AP1M2: variants seen among roughly 807,000 people sequenced by gnomAD.
AP1M2 encodes adaptor related protein complex 1 subunit mu 2, also known as AP-1 complex subunit mu-2.
AP1M2 carries 41 observed loss-of-function variants against 54.6 expected under a neutral mutation model. The observed-to-expected ratio is 0.75, with a 90% confidence interval of 0.59 to 0.97. The LOEUF is 0.97. AP1M2 is among the 50% of genes least tolerant of loss of function. The pLI is 0.00. For synonymous variants in AP1M2, 219 were observed against 215.9 expected (o/e 1.01, Z -0.13); for missense variants, 507 against 561.2 (o/e 0.90, Z 0.98).
chr19:10,575,030 C>A lies in AP1M2; in HGVS notation c.1048-1G>T. 1 of 1,503,348 alleles carries A rather than the reference C, an allele frequency of 6.7e-7. No individual in the cohort carries two copies. The highest frequency in any genetic ancestry group is 8.9e-7 in the Non-Finnish European group (1 of 1,123,290). 93.1% of individuals were successfully genotyped at this position (1,503,348 alleles called of 1,614,324 possible). On this transcript the variant is annotated splice_acceptor_variant, in intron 9 of 11. Transcript: ENST00000250244. LOFTEE classifies it high-confidence loss of function. ...CTCGCATCAAGTACTCCTTGCCCCC[C>A]TGAGGGAACATGGGGGCATCAGGTA...
At position 10,577,253 on chromosome 19, in the gene AP1M2, C is replaced by G. The variant is rs756095587; in HGVS notation, c.992G>C (p.Ser331Thr). The change falls in exon 9 of 12, where the codon AGC becomes ACC. Residue 331 changes from serine (S) to threonine (T), a missense_variant. Transcript: ENST00000250244. The part of the protein sequence containing the change: ...DSPRFKTSVG[S>T]AKYVPERNVV... ...GTTTCTCTCCGGCACATACTTGGCG[C>G]TGCCCACACTGGTCTTGAATCTGGG... The G allele has an allele frequency of 1.9e-6, 3 of 1,613,384 alleles. No homozygotes were observed. The highest frequency in any genetic ancestry group is 3.3e-5 in the Admixed American group (2 of 59,918).
rs1917456665 is a variant in AP1M2, at chr19:10,581,493, G to T, written c.540C>A (p.Asn180Lys). ...GGGAGGTGTGCAGGCTCACCAGCAGGTTGACAGACTCTATGACATCAATGA... is the reference window on the plus strand; with the variant it reads ...GGGAGGTGTGCAGGCTCACCAGCAGTTTGACAGACTCTATGACATCAATGA... ...EVFIDVIESV[N>K]LLVNANGSVL... is the part of the protein sequence containing the mutation. The change falls in exon 5 of 12, where the codon AAC becomes AAA. Residue 180 changes from asparagine (N) to lysine (K), a missense_variant. Asn to Lys is a moderately conservative substitution (Grantham distance 94, BLOSUM62 0). Transcript: ENST00000250244. 1 of 1,613,924 alleles carries T rather than the reference G, an allele frequency of 6.2e-7. No homozygotes were observed. Among genetic ancestry groups the T allele is most frequent in the Non-Finnish European group, 8.5e-7 (1 of 1,179,830 alleles).
chr19:10,575,597 G>A (rs1419811077), intron 9 of AP1M2, among the ~76,000 whole-genome samples: 1 of 152,006 alleles, frequency 6.6e-6, no homozygotes, highest in East Asian at 1.9e-4. Context: ...TGAACCCAGG[G>A]CTGGTTTCCT....
intron 3 of AP1M2, among the ~76,000 whole-genome samples, chr19:10,583,088 A>C (rs2360746): frequency 0.26 from 38,548 of 151,012 alleles, 5,888 homozygotes; most frequent in East Asian, 0.66. Flanking sequence ...AGCCTCCCAA[A>C]GTACTGGGAT....
At chr19:10,573,643 G>A (rs942924771) in intron 11 of AP1M2, among the ~76,000 whole-genome samples, 1 of 147,034 alleles carries the variant, frequency 6.8e-6, no homozygotes, top group African/African-American at 2.5e-5. Flanking sequence ...GCTGACAACT[G>A]TCCCTGCTTT....
chr19:10,579,293 AT>A, intron 7 of AP1M2, among the ~76,000 whole-genome samples: 1 of 152,010 alleles, frequency 6.6e-6, no homozygotes, highest in Non-Finnish European at 1.5e-5. Flanking sequence ...GCATGCGCCT[AT>A]AGTCCCAGCT....
chr19:10,581,937 C>G, intron 3 of AP1M2, 59 bp from the exon 4 acceptor site: 1 of 1,501,500 alleles, frequency 6.7e-7, no homozygotes, highest in Non-Finnish European at 8.9e-7. Context: ...GGCATAGTAG[C>G]TCATGCCTGT....
chr19:10,572,976 A>G lies in AP1M2; in HGVS notation c.*90T>C. 7.2e-7 allele frequency: 1 copy of G among 1,393,806 alleles called. No individual in the cohort carries two copies. The allele number at this position is 1,393,806 out of a possible 1,614,324, so 86.3% of individuals were successfully genotyped here. A position where few individuals can be genotyped will look rare whatever the true frequency, so the allele number is the denominator to read the frequency against. ...AAGTCCAGGACCTGCCCTCACACAG[A>G]CACACACAGCCCGCACCTGCCCTCC... On this transcript the variant is annotated 3_prime_UTR_variant, in exon 12 of 12. Transcript: ENST00000250244.
At chr19:10,583,705 T>A in intron 2 of AP1M2, 32 bp from the exon 3 acceptor site, 2 of 1,601,828 alleles carry the variant, frequency 1.2e-6, no homozygotes, top group Non-Finnish European at 1.7e-6. Context: ...AAAGGTGCCA[T>A]TTATGGAGAA....
intron 7 of AP1M2, among the ~76,000 whole-genome samples, chr19:10,579,288 C>A (rs905344001): frequency 1.3e-5 from 2 of 151,936 alleles, no homozygotes; most frequent in African/African-American, 4.8e-5. Context: ...CGGTGGCATG[C>A]GCCTATAGTC....
In AP1M2 at chr19:10,583,602, CTACCTCTATTGTCTTATACAGGAAGGA is replaced by C; in HGVS notation, c.244_267+3del. The C allele has an allele frequency of 1.9e-6, 3 of 1,604,630 alleles. No individual in the cohort carries two copies. The highest frequency in any genetic ancestry group is 2.6e-6 in the Non-Finnish European group (3 of 1,172,556). ...CAGTTAGCCAATGGGAGGCTAGTAC[CTACCTCTATTGTCTTATACAGGAAGGA>C]GTACACCAGGGAGGCATTGGCATTC... On this transcript the variant is annotated splice_donor_variant and splice_donor_region_variant and coding_sequence_variant and intron_variant, in exon 3 of 12. Transcript: ENST00000250244. LOFTEE classifies it high-confidence loss of function.
chr19:10,574,297 C>T, intron 11 of AP1M2, 120 bp downstream of exon 11: 2 of 833,804 alleles, frequency 2.4e-6, no homozygotes, highest in Non-Finnish European at 1.8e-6. Context: ...TAGGATTACA[C>T]ACCTGAACCA....
chr19:10,583,564 T>C, intron 3 of AP1M2, 42 bp downstream of exon 3: 9 of 1,469,320 alleles, frequency 6.1e-6, no homozygotes, highest in Non-Finnish European at 8.5e-6. Flanking sequence ...GCAAGAGGGA[T>C]AGACGGATAG....
intron 10 of AP1M2, 80 bp from the exon 11 acceptor site, chr19:10,574,572 C>T (rs1917163447): frequency 7.9e-7 from 1 of 1,268,354 alleles, no homozygotes; most frequent in African/African-American, 1.5e-5. Context: ...CGGCTTAGGC[C>T]AAGCGGCTAT....
At position 10,581,600 on chromosome 19, in the gene AP1M2, C is replaced by G. The variant is rs748612320; in HGVS notation, c.433G>C (p.Gly145Arg). Residue 145 changes from glycine (G) to arginine (R), a missense_variant, in exon 5 of 12, where the codon GGC (glycine) becomes CGC (arginine). Physicochemically the swap from Gly to Arg is moderately radical, Grantham distance 125. Transcript: ENST00000250244. ...ITQQSNKLET[G>R]KSRVPPTVTN... ...ACAGTGGGTGGCACCCGTGACTTGCCCGTCTCCAGCTTGTTGCTCTGCTGA... is the reference window on the plus strand; with the variant it reads ...ACAGTGGGTGGCACCCGTGACTTGCGCGTCTCCAGCTTGTTGCTCTGCTGA... The G allele has an allele frequency of 6.2e-7, 1 of 1,613,818 alleles. No individual in the cohort carries two copies. The highest frequency in any genetic ancestry group is 8.5e-7 in the Non-Finnish European group (1 of 1,179,852).
intron 1 of AP1M2, among the ~76,000 whole-genome samples, chr19:10,585,268 G>T (rs1917596631): frequency 9.6e-6 from 1 of 104,540 alleles, no homozygotes; most frequent in African/African-American, 3.5e-5. Context: ...AAGAAGGAAA[G>T]AAAGAAAGAA....
At chr19:10,574,766 T>A (rs1248489877) in intron 10 of AP1M2, 138 bp downstream of exon 10, 1 of 1,226,398 alleles carries the variant, frequency 8.2e-7, no homozygotes, top group African/African-American at 1.5e-5. Flanking sequence ...AAAGGTAACA[T>A]TGCTCTGGGA....
intron 10 of AP1M2, among the ~76,000 whole-genome samples, 162 bp from the exon 11 acceptor site, chr19:10,574,654 T>C (rs1917166177): frequency 6.6e-6 from 1 of 151,880 alleles, no homozygotes; most frequent in Non-Finnish European, 1.5e-5. Context: ...GGCAACGGAA[T>C]GGTGAATGGC....
Position 10,579,303 on chromosome 19 carries a change from C to G in AP1M2, c.817-340G>C, listed in dbSNP as rs555368136. On this transcript the variant is annotated intron_variant, in intron 7 of 11. Coordinates refer to ENST00000250244, the MANE Select transcript of AP1M2 (RefSeq NM_005498.5). ...CGGTGGCATGCGCCTATAGTCCCAGCTACTCGGGACGCTGAGGCAGGAGAA... is the reference window on the plus strand; with the variant it reads ...CGGTGGCATGCGCCTATAGTCCCAGGTACTCGGGACGCTGAGGCAGGAGAA... Among the ~76,000 whole-genome samples the G allele has an allele frequency of 2.8e-3, 431 of 152,166 alleles. 1 individual carries two copies. The highest frequency in any genetic ancestry group is 6.9e-3 in the South Asian group (33 of 4,814).
Sources: allele counts gnomAD v4.1 joint callset (sites outside exome capture counted in the v4.1 genomes callset), GRCh38; gene constraint gnomAD v4.1.1; transcripts MANE v1.5; gene names NCBI Gene and HGNC (gene_info 2026-07-23, HGNC 2026-07-21).